TCF7L2: variants seen among roughly 807,000 people sequenced by gnomAD.
The protein encoded by TCF7L2 is transcription factor 7-like 2.
TCF7L2 carries 23 observed loss-of-function variants against 77.9 expected under a neutral mutation model. The ratio of observed to expected loss-of-function variants is 0.30; its 90% confidence interval spans 0.21 to 0.42. The LOEUF is 0.42. Among genes scored for constraint, TCF7L2 ranks in the 10% least tolerant of loss-of-function variants. TCF7L2 has a pLI of 1.00. For missense variants in TCF7L2, 654 were observed against 793.1 expected, an observed-to-expected ratio of 0.82 and a Z score of 2.11; for synonymous variants, 413 against 340.2, an observed-to-expected ratio of 1.21 and a Z score of -2.36.
intron 4 of TCF7L2, among the ~76,000 whole-genome samples, chr10:113,022,800 C>T (rs2048465107): frequency 6.7e-6 from 1 of 149,394 alleles, no homozygotes; most frequent in Non-Finnish European, 1.5e-5. Flanking sequence ...TCCCATTTTA[C>T]AGATGAGGGA....
At chr10:113,091,741 CGGACTTTTCGCT>C (rs2060429224) in intron 5 of TCF7L2, among the ~76,000 whole-genome samples, 1 of 152,144 alleles carries the variant, frequency 6.6e-6, no homozygotes, top group Non-Finnish European at 1.5e-5. Context: ...TGGAGTCTTT[CGGACTTTTCGCT>C]GTCTTGCATG....
intron 5 of TCF7L2, among the ~76,000 whole-genome samples, chr10:113,084,475 TGC>T (rs2059622964): frequency 6.6e-6 from 1 of 152,248 alleles, no homozygotes; most frequent in South Asian, 2.1e-4. Flanking sequence ...GGCTGAGGCC[TGC>T]TCACATCAAG....
chr10:113,121,570 T>C (rs752322960), intron 5 of TCF7L2, among the ~76,000 whole-genome samples: 3 of 152,164 alleles, frequency 2.0e-5, no homozygotes, highest in Non-Finnish European at 2.9e-5. Flanking sequence ...AGTATCAACA[T>C]TGGGGGGTGA....
At chr10:113,095,753 TC>T (rs1179195853) in intron 5 of TCF7L2, among the ~76,000 whole-genome samples, 1 of 152,194 alleles carries the variant, frequency 6.6e-6, no homozygotes, top group Non-Finnish European at 1.5e-5. Context: ...GCCCAGGCAC[TC>T]TCTGTGGAGG....
At chr10:113,035,881 T>C (rs1032704614) in intron 4 of TCF7L2, among the ~76,000 whole-genome samples, 1 of 152,264 alleles carries the variant, frequency 6.6e-6, no homozygotes, top group South Asian at 2.1e-4. Flanking sequence ...AGTCGAGTAG[T>C]TATGACAGAG....
chr10:113,027,546 A>T (rs1226181403), intron 4 of TCF7L2, among the ~76,000 whole-genome samples: 1 of 152,190 alleles, frequency 6.6e-6, no homozygotes, highest in Non-Finnish European at 1.5e-5. Flanking sequence ...TAAAAAAACA[A>T]AACAGCCCTC....
At chr10:112,982,306 T>A (rs911052424) in intron 4 of TCF7L2, among the ~76,000 whole-genome samples, 2 of 152,168 alleles carry the variant, frequency 1.3e-5, no homozygotes, top group Admixed American at 1.3e-4. Flanking sequence ...TATTTTCTCA[T>A]CTGTGAAAAG....
rs1260952895 is a variant in TCF7L2, at chr10:113,165,787, G to C, written c.1624G>C (p.Glu542Gln). The C allele has an allele frequency of 6.2e-7, 1 of 1,605,490 alleles. No individual in the cohort carries two copies. Among genetic ancestry groups the C allele is most frequent in the Non-Finnish European group, 8.5e-7 (1 of 1,175,688 alleles). ...TCCGCCACCCGCCCTCCTGCTCGCT[G>C]AGGCCACCCACAAGGCCTCCGCCCT... The change falls in exon 14 of 14, where the codon GAG becomes CAG. Residue 542 changes from glutamate (E) to glutamine (Q), a missense_variant. Physicochemically the swap from Glu to Gln is conservative, Grantham distance 29. This residue lies in a region of TCF7L2 where 272 missense variants were observed against 215.4 expected (regional missense o/e 1.26). Transcript: ENST00000627217.
At chr10:113,133,766 T>A (rs2066961365) in intron 5 of TCF7L2, among the ~76,000 whole-genome samples, 1 of 152,178 alleles carries the variant, frequency 6.6e-6, no homozygotes, top group African/African-American at 2.4e-5. Flanking sequence ...CTTCTTGCTG[T>A]CTAAATGGAT....
At chr10:112,960,812 C>T (rs1007378543) in intron 3 of TCF7L2, among the ~76,000 whole-genome samples, 20 of 151,936 alleles carry the variant, frequency 1.3e-4, no homozygotes, top group African/African-American at 3.9e-4. Flanking sequence ...CTCAGCCTCC[C>T]GAGTAGCTGG....
In TCF7L2 at chr10:113,067,830, T is replaced by G. The variant is rs2057446702; in HGVS notation, c.552+27704T>G. 3.2e-5 allele frequency among the ~76,000 whole-genome samples: 4 copies of G among 123,648 alleles called. No homozygotes were observed. In the South Asian group the frequency reaches 1.1e-3, roughly 33 times the overall value. 81.1% of individuals were successfully genotyped at this position (123,648 alleles called of 152,430 possible). On this transcript the variant is annotated intron_variant, in intron 5 of 13. Transcript: ENST00000627217. ...CTTTTTGTCCCTTTAGCTCGGACACTTAGAGGTTTAGTGATCTGTGGGTTT... is the reference window on the plus strand; with the variant it reads ...CTTTTTGTCCCTTTAGCTCGGACACGTAGAGGTTTAGTGATCTGTGGGTTT...
chr10:112,991,424 C>T (rs1032366861), intron 4 of TCF7L2, among the ~76,000 whole-genome samples: 10 of 151,692 alleles, frequency 6.6e-5, no homozygotes, highest in Admixed American at 2.0e-4. Context: ...AGGAGAATGG[C>T]GTGAACCCGG....
intron 3 of TCF7L2, among the ~76,000 whole-genome samples, chr10:112,963,480 T>G (rs1042954774): frequency 2.0e-5 from 3 of 152,266 alleles, no homozygotes; most frequent in African/African-American, 7.2e-5. Context: ...GATCCATTTT[T>G]GGAAATGCAG....
At chr10:112,986,022 G>T (rs539036304) in intron 4 of TCF7L2, among the ~76,000 whole-genome samples, 2 of 152,142 alleles carry the variant, frequency 1.3e-5, no homozygotes, top group African/African-American at 4.8e-5. Context: ...AAAGACGAGG[G>T]AGTAAAGAAG....
rs2134177979 is a variant in TCF7L2 at position 112,950,866 on chromosome 10, C to T, written c.110C>T (p.Ala37Val). 1 of 1,611,470 alleles carries T rather than the reference C, an allele frequency of 6.2e-7. No individual in the cohort carries two copies. The highest frequency in any genetic ancestry group is 8.5e-7 in the Non-Finnish European group (1 of 1,179,056). The stretch of plus-strand genomic sequence containing the variant: ...GAGAAGAGCTCCGAAAACTCCTCGG[C>T]AGAGAGGGATTTAGCTGATGTCAAA... Residue 37 changes from alanine to valine, a missense_variant, in exon 1 of 14, where the codon GCA becomes GTA. Physicochemically the swap from Ala to Val is moderately conservative, Grantham distance 64 (BLOSUM62 0). Coordinates refer to ENST00000627217, the MANE Select transcript of TCF7L2 (RefSeq NM_001146274.2).
intron 4 of TCF7L2, among the ~76,000 whole-genome samples, chr10:112,990,597 C>G (rs1385314461): frequency 6.6e-6 from 1 of 151,918 alleles, no homozygotes; most frequent in Non-Finnish European, 1.5e-5. Flanking sequence ...GTCCCAGCTA[C>G]TGGGGAGGCT....
At chr10:113,035,053 G>C (rs116881359) in intron 4 of TCF7L2, among the ~76,000 whole-genome samples, 1 of 146,106 alleles carries the variant, frequency 6.8e-6, no homozygotes, top group South Asian at 2.1e-4. Context: ...ACAGGGTCTC[G>C]CTCTGAACCT....
chr10:113,151,100 T>A lies in TCF7L2; in HGVS notation c.978T>A (p.Ser326Arg). The A allele has an allele frequency of 4.3e-6, 7 of 1,614,010 alleles. No individual in the cohort carries two copies. The highest frequency in any genetic ancestry group is 5.9e-6 in the Non-Finnish European group (7 of 1,179,976). Residue 326 changes from serine (S) to arginine (R), a missense_variant, in exon 9 of 14, where the codon AGT (serine) becomes AGA (arginine). Around this residue, in one of 6 missense-constraint regions of TCF7L2, gnomAD observed 179 missense variants for 270.6 expected, o/e 0.66. Coordinates refer to ENST00000627217, the MANE Select transcript of TCF7L2 (RefSeq NM_001146274.2). This position sits in a 1 kb window ranked among gnomAD's most constrained non-coding sequence, Gnocchi z 5.2. ...CAGTCAAACAGGAATCGTCCCAGAG[T>A]GATGTCGGCTCACTCCATAGTTCGT...
chr10:113,062,733 A>G (rs756471160), intron 5 of TCF7L2, among the ~76,000 whole-genome samples: 1 of 152,138 alleles, frequency 6.6e-6, no homozygotes, highest in Non-Finnish European at 1.5e-5. Context: ...TATAAGCTGG[A>G]GAAGGAGTTG....
Sources: gnomAD v4.1 joint callset for allele counts (sites outside exome capture counted in the v4.1 genomes callset) on GRCh38, gnomAD v4.1.1 for gene constraint, gnomAD v4.1.1 regional missense constraint, Gnocchi (gnomAD v3.1) non-coding constraint, MANE v1.5 for transcripts, NCBI Gene and HGNC (gene_info 2026-07-23, HGNC 2026-07-21) for gene names.